The following EGR1 variants were observed in gnomAD, a reference collection of about 807,000 sequenced individuals.
EGR1 encodes early growth response protein 1.
A neutral mutation model predicts 30.2 loss-of-function variants in EGR1; 8 were observed. That is an observed-to-expected ratio of 0.26 (90% CI 0.16 to 0.48). The LOEUF is 0.48. EGR1 is among the 20% of genes least tolerant of loss of function. The probability of loss-of-function intolerance (pLI) is 0.99; values close to 1 mark genes in which losing one functional copy is unlikely to be tolerated. For synonymous variants in EGR1, 334 were observed against 312.8 expected, an observed-to-expected ratio of 1.07 and a Z score of -0.72; for missense variants, 568 against 732.3, an observed-to-expected ratio of 0.78 and a Z score of 2.59.
rs1764172414 is a variant in EGR1, at chr5:138,467,407, C to T, written c.958C>T (p.Arg320Cys). ...CCAGTCCCAGCTCATCAAACCCAGC[C>T]GCATGCGCAAGTACCCCAACCGGCC... Reference protein sequence around the residue: ...SYQSQLIKPSRMRKYPNRPSK... With the variant: ...SYQSQLIKPSCMRKYPNRPSK... The change falls in exon 2 of 2, where the codon CGC becomes TGC. Residue 320 changes from arginine to cysteine, a missense_variant. Transcript: ENST00000239938. The surrounding 1 kb of genome is among the most constrained non-coding windows in gnomAD (Gnocchi z 8.3). The T allele has an allele frequency of 2.5e-6, 4 of 1,614,108 alleles. No individual in the cohort carries two copies. The highest frequency in any genetic ancestry group is 1.7e-6 in the Non-Finnish European group (2 of 1,180,050).
rs200019675 is a variant in EGR1 at position 138,468,587 on chromosome 5, A to G, written c.*506A>G. On this transcript the variant is annotated 3_prime_UTR_variant, in exon 2 of 2. Transcript: ENST00000239938. Reference sequence around the variant, plus strand: ...TGGAGTTAGGTCCTCACTTGGGGGAAAAAAAAAAAAGAAAAGCCAAGCAAA... The same window carrying G: ...TGGAGTTAGGTCCTCACTTGGGGGAGAAAAAAAAAAGAAAAGCCAAGCAAA... 1.3e-5 allele frequency: 2 copies of G among 156,516 alleles called. No individual in the cohort carries two copies. Among genetic ancestry groups the G allele is most frequent in the South Asian group, 1.5e-4 (1 of 6,878 alleles). 9.7% of individuals were successfully genotyped at this position (156,516 alleles called of 1,614,324 possible). A position where few individuals can be genotyped will look rare whatever the true frequency, so the allele number is the denominator to read the frequency against.
In EGR1 at chr5:138,467,040, C is replaced by A. The variant is rs757711179; in HGVS notation, c.591C>A (p.Asn197Lys). 2.5e-6 allele frequency: 4 copies of A among 1,614,058 alleles called. No homozygotes were observed. In the Admixed American group the frequency reaches 5.0e-5, roughly 20 times the overall value. The change falls in exon 2 of 2, where the codon AAC becomes AAA. Residue 197 changes from asparagine to lysine, a missense_variant. By Grantham distance (94) the Asn-to-Lys change is moderately conservative (BLOSUM62 0). Transcript: ENST00000239938. This position sits in a 1 kb window ranked among gnomAD's most constrained non-coding sequence, Gnocchi z 8.3. The part of the protein sequence containing the change: ...SPPLSCAVPS[N>K]DSSPIYSAAP... ...CCCTGAGCTGCGCAGTGCCATCCAACGACAGCAGTCCCATTTACTCAGCGG... is the reference window on the plus strand; with the variant it reads ...CCCTGAGCTGCGCAGTGCCATCCAAAGACAGCAGTCCCATTTACTCAGCGG...
At position 138,465,973 on chromosome 5, in the gene EGR1, G is replaced by C. The variant is rs1764152063; in HGVS notation, c.212G>C (p.Gly71Ala). ...NSSSSSSGGG[G>A]GGGGGSNSSS... ...AGCAGCAGCAGCAGCGGGGGCGGTG[G>C]AGGCGGCGGGGGCGGCAGCAACAGC... Residue 71 changes from glycine (G) to alanine (A), a missense_variant, in exon 1 of 2, where the codon GGA becomes GCA. By Grantham distance (60) the Gly-to-Ala change is moderately conservative (BLOSUM62 0). Coordinates refer to ENST00000239938, the MANE Select transcript of EGR1 (RefSeq NM_001964.3). The C allele has an allele frequency of 6.2e-7, 1 of 1,610,698 alleles. No individual in the cohort carries two copies.
chr5:138,467,665 G>A lies in EGR1; in HGVS notation c.1216G>A (p.Ala406Thr). 6.2e-7 allele frequency: 1 copy of A among 1,614,174 alleles called. No individual in the cohort carries two copies. The highest frequency in any genetic ancestry group is 8.5e-7 in the Non-Finnish European group (1 of 1,180,036). Reference sequence around the variant, plus strand: ...CTGCGACATCTGTGGAAGAAAGTTTGCCAGGAGCGATGAACGCAAGAGGCA... The same window carrying A: ...CTGCGACATCTGTGGAAGAAAGTTTACCAGGAGCGATGAACGCAAGAGGCA... ...FACDICGRKF[A>T]RSDERKRHTK... Residue 406 changes from alanine (A) to threonine (T), a missense_variant, in exon 2 of 2, where the codon GCC becomes ACC. By Grantham distance (58) the Ala-to-Thr change is moderately conservative (BLOSUM62 0). Around this residue, in one of 4 missense-constraint regions of EGR1, gnomAD observed 17 missense variants for 97.8 expected, o/e 0.17. Transcript: ENST00000239938. The surrounding 1 kb of genome is among the most constrained non-coding windows in gnomAD (Gnocchi z 8.3).
Position 138,465,694 on chromosome 5 carries a change from C to T in EGR1, c.-68C>T. 3 of 1,440,078 alleles carry T rather than the reference C, an allele frequency of 2.1e-6. No individual in the cohort carries two copies. Among genetic ancestry groups the T allele is most frequent in the South Asian group, 1.4e-5 (1 of 70,482 alleles). The allele number at this position is 1,440,078 out of a possible 1,614,324, so 89.2% of individuals were successfully genotyped here. On this transcript the variant is annotated 5_prime_UTR_variant, in exon 1 of 2. Coordinates refer to ENST00000239938, the MANE Select transcript of EGR1 (RefSeq NM_001964.3). ...CCGGCCAGGCCCCCGCAACTGTGTCCCCTGCAGCTCCAGCCCCGGGCTGCA... is the reference window on the plus strand; with the variant it reads ...CCGGCCAGGCCCCCGCAACTGTGTCTCCTGCAGCTCCAGCCCCGGGCTGCA...
rs1764194563 is a variant in EGR1, at chr5:138,468,883, T to C, written c.*802T>C. 6.6e-6 allele frequency: 1 copy of C among 152,266 alleles called. No homozygotes were observed. Among genetic ancestry groups the C allele is most frequent in the African/African-American group, 2.4e-5 (1 of 41,300 alleles). The allele number at this position is 152,266 out of a possible 1,614,324, so 9.4% of individuals were successfully genotyped here. A position where few individuals can be genotyped will look rare whatever the true frequency, so the allele number is the denominator to read the frequency against. ...TGTGTGATGCGCCTTGCTGATGGCT[T>C]GACATGTGCAATTGTGAGGGACATG... On this transcript the variant is annotated 3_prime_UTR_variant, in exon 2 of 2. Coordinates refer to ENST00000239938, the MANE Select transcript of EGR1 (RefSeq NM_001964.3).
intron 1 of EGR1, among the ~76,000 whole-genome samples, chr5:138,466,273 C>T (rs965401372): frequency 1.3e-5 from 2 of 152,242 alleles, no homozygotes; most frequent in Non-Finnish European, 2.9e-5. Context: ...CGCAGAGGAC[C>T]GAGCTTTTGT....
At position 138,466,962 on chromosome 5, in the gene EGR1, G is replaced by A. The variant is rs11953917; in HGVS notation, c.513G>A (p.Ser171=). 2 of 1,613,900 alleles carry A rather than the reference G, an allele frequency of 1.2e-6. No individual in the cohort carries two copies. Among genetic ancestry groups the A allele is most frequent in the East Asian group, 2.2e-5 (1 of 44,868 alleles). ...GCATGACCAACCCACCGGCCTCCTC[G>A]TCCTCAGCACCATCTCCAGCGGCCT... is the stretch of plus-strand genomic sequence containing the variant. ...LVSMTNPPAS[S]SSAPSPAASS... The change falls in exon 2 of 2, where the codon TCG becomes TCA. Residue 171 remains serine (S), a synonymous_variant. Coordinates refer to ENST00000239938, the MANE Select transcript of EGR1 (RefSeq NM_001964.3).
intron 1 of EGR1, among the ~76,000 whole-genome samples, chr5:138,466,375 T>G (rs1321612965): frequency 6.6e-6 from 1 of 152,230 alleles, no homozygotes; most frequent in African/African-American, 2.4e-5. Context: ...CCAGTAAGAC[T>G]TGCCTTGCCT....
In EGR1 at chr5:138,467,827, T is replaced by C; in HGVS notation, c.1378T>C (p.Ser460Pro). 1.2e-6 allele frequency: 2 copies of C among 1,613,548 alleles called. No individual in the cohort carries two copies. The highest frequency in any genetic ancestry group is 1.7e-6 in the Non-Finnish European group (2 of 1,179,594). ...YPSPVTTSYP[S>P]PATTSYPSPV... ...GTCCCCGGTTACTACCTCTTATCCA[T>C]CCCCGGCCACCACCTCATACCCATC... is the stretch of plus-strand genomic sequence containing the variant. Residue 460 changes from serine (S) to proline (P), a missense_variant, in exon 2 of 2, where the codon TCC (serine) becomes CCC (proline). By Grantham distance (74) the Ser-to-Pro change is moderately conservative. Around this residue, in one of 4 missense-constraint regions of EGR1, gnomAD observed 118 missense variants for 161.6 expected, o/e 0.73. Coordinates refer to ENST00000239938, the MANE Select transcript of EGR1 (RefSeq NM_001964.3). The surrounding 1 kb of genome is among the most constrained non-coding windows in gnomAD (Gnocchi z 8.3).
At position 138,466,840 on chromosome 5, in the gene EGR1, A is replaced by G; in HGVS notation, c.391A>G (p.Ile131Val). The change falls in exon 2 of 2, where the codon ATC becomes GTC. Residue 131 changes from isoleucine (I) to valine (V), a missense_variant. Transcript: ENST00000239938. ...CAGCCAAACCACTCGACTGCCCCCCATCACCTATACTGGCCGCTTTTCCCT... is the reference window on the plus strand; with the variant it reads ...CAGCCAAACCACTCGACTGCCCCCCGTCACCTATACTGGCCGCTTTTCCCT... ...YPSQTTRLPPITYTGRFSLEP... is the reference protein window; with the variant it reads ...YPSQTTRLPPVTYTGRFSLEP... The G allele has an allele frequency of 6.2e-7, 1 of 1,613,800 alleles. No homozygotes were observed. The highest frequency in any genetic ancestry group is 8.5e-7 in the Non-Finnish European group (1 of 1,179,960).
In EGR1 at chr5:138,466,507, A is replaced by G. The variant is rs577479459; in HGVS notation, c.308-250A>G. On this transcript the variant is annotated intron_variant, in intron 1 of 1. Coordinates refer to ENST00000239938, the MANE Select transcript of EGR1 (RefSeq NM_001964.3). ...GTGCTGGCGGGAATCCCTCGCCCGC[A>G]CAGCCGCCGCTGCGGAGCGCTGCGA... 6.4e-3 allele frequency among the ~76,000 whole-genome samples: 970 copies of G among 152,314 alleles called. 8 individuals carry two copies. The highest frequency in any genetic ancestry group is 0.022 in the African/African-American group (899 of 41,570).
At position 138,468,876 on chromosome 5, in the gene EGR1, G is replaced by A. The variant is rs1367335367; in HGVS notation, c.*795G>A. ...TGCCTTTTGTGTGATGCGCCTTGCT[G>A]ATGGCTTGACATGTGCAATTGTGAG... On this transcript the variant is annotated 3_prime_UTR_variant, in exon 2 of 2. Transcript: ENST00000239938. 6.7e-6 allele frequency: 1 copy of A among 150,254 alleles called. No homozygotes were observed. Among genetic ancestry groups the A allele is most frequent in the African/African-American group, 2.5e-5 (1 of 40,596 alleles). The allele number at this position is 150,254 out of a possible 1,614,324, so 9.3% of individuals were successfully genotyped here.
chr5:138,466,779 G>A lies in EGR1; in HGVS notation c.330G>A (p.Leu110=). The change falls in exon 2 of 2, where the codon CTG becomes CTA. Residue 110 remains leucine, a synonymous_variant. Coordinates refer to ENST00000239938, the MANE Select transcript of EGR1 (RefSeq NM_001964.3). ...CAGAGTCTTTTCCTGACATCTCTCT[G>A]AACAACGAGAAGGTGCTGGTGGAGA... ...LTAESFPDIS[L]NNEKVLVETS... 4.3e-6 allele frequency: 7 copies of A among 1,613,036 alleles called. No individual in the cohort carries two copies. Among genetic ancestry groups the A allele is most frequent in the Non-Finnish European group, 4.2e-6 (5 of 1,179,262 alleles).
chr5:138,467,452 G>A lies in EGR1; in HGVS notation c.1003G>A (p.Glu335Lys). 6.2e-7 allele frequency: 1 copy of A among 1,613,854 alleles called. No individual in the cohort carries two copies. Among genetic ancestry groups the A allele is most frequent in the Non-Finnish European group, 8.5e-7 (1 of 1,179,996 alleles). ...CCGGCCCAGCAAGACGCCCCCCCAC[G>A]AACGCCCTTACGCTTGCCCAGTGGA... ...PNRPSKTPPH[E>K]RPYACPVESC... Residue 335 changes from glutamate to lysine, a missense_variant, in exon 2 of 2, where the codon GAA becomes AAA. Physicochemically the swap from Glu to Lys is moderately conservative, Grantham distance 56. Coordinates refer to ENST00000239938, the MANE Select transcript of EGR1 (RefSeq NM_001964.3). The surrounding 1 kb of genome is among the most constrained non-coding windows in gnomAD (Gnocchi z 8.3).
chr5:138,465,701 G>C lies in EGR1; in HGVS notation c.-61G>C, dbSNP rs1764142898. 1 of 1,464,352 alleles carries C rather than the reference G, an allele frequency of 6.8e-7. No individual in the cohort carries two copies. The highest frequency in any genetic ancestry group is 9.1e-7 in the Non-Finnish European group (1 of 1,100,086). 90.7% of individuals were successfully genotyped at this position (1,464,352 alleles called of 1,614,324 possible). On this transcript the variant is annotated 5_prime_UTR_variant, in exon 1 of 2. Coordinates refer to ENST00000239938, the MANE Select transcript of EGR1 (RefSeq NM_001964.3). ...GGCCCCCGCAACTGTGTCCCCTGCA[G>C]CTCCAGCCCCGGGCTGCACCCCCCC...
At position 138,466,812 on chromosome 5, in the gene EGR1, C is replaced by T. The variant is rs778216521; in HGVS notation, c.363C>T (p.Tyr121=). The part of the protein sequence containing the change: ...NNEKVLVETS[Y]PSQTTRLPPI... The stretch of plus-strand genomic sequence containing the variant: ...AGAAGGTGCTGGTGGAGACCAGTTA[C>T]CCCAGCCAAACCACTCGACTGCCCC... Residue 121 remains tyrosine, a synonymous_variant, in exon 2 of 2, where the codon TAC becomes TAT. Transcript: ENST00000239938. 8.7e-6 allele frequency: 14 copies of T among 1,614,030 alleles called. No individual in the cohort carries two copies. The East Asian group carries it at 2.7e-4, about 31-fold the overall frequency.
chr5:138,465,755 G>C lies in EGR1; in HGVS notation c.-7G>C. ...CCGACACCAGCTCTCCAGCCTGCTC[G>C]TCCAGGATGGCCGCGGCCAAGGCCG... On this transcript the variant is annotated 5_prime_UTR_variant, in exon 1 of 2. Transcript: ENST00000239938. The C allele has an allele frequency of 6.3e-7, 1 of 1,586,206 alleles. No individual in the cohort carries two copies. The highest frequency in any genetic ancestry group is 8.6e-7 in the Non-Finnish European group (1 of 1,162,532).
At chr5:138,466,506 C>T (rs1011680624) in intron 1 of EGR1, among the ~76,000 whole-genome samples, 24 of 152,272 alleles carry the variant, frequency 1.6e-4, no homozygotes, top group African/African-American at 5.8e-4. Context: ...CCCTCGCCCG[C>T]ACAGCCGCCG....
Sources: gnomAD v4.1 joint callset for allele counts (sites outside exome capture counted in the v4.1 genomes callset) on GRCh38, gnomAD v4.1.1 for gene constraint, gnomAD v4.1.1 regional missense constraint, Gnocchi (gnomAD v3.1) non-coding constraint, MANE v1.5 for transcripts, NCBI Gene and HGNC (gene_info 2026-07-23, HGNC 2026-07-21) for gene names.